RNF125: variants seen among roughly 807,000 people sequenced by gnomAD.
The protein encoded by RNF125 is E3 ubiquitin-protein ligase RNF125.
Under a neutral mutation model 26.0 loss-of-function variants are expected in RNF125, and 21 were observed. The observed-to-expected ratio is 0.81, with a 90% CI of 0.57 to 1.16. The LOEUF (loss-of-function observed/expected upper bound fraction) is 1.16. Ranked by LOEUF, RNF125 falls within the 50% of genes most tolerant of loss-of-function variation. The probability of loss-of-function intolerance (pLI) is 0.00; values close to 1 mark genes in which losing one functional copy is unlikely to be tolerated. For synonymous variants in RNF125, 95 were observed against 109.2 expected, an observed-to-expected ratio of 0.87 and a Z score of 0.81; for missense variants, 270 against 299.4, an observed-to-expected ratio of 0.90 and a Z score of 0.72.
At chr18:32,034,792 GCA>G (rs2039136093) in intron 1 of RNF125, among the ~76,000 whole-genome samples, 1 of 150,922 alleles carries the variant, frequency 6.6e-6, no homozygotes, top group African/African-American at 2.4e-5. Context: ...GTGCACACCC[GCA>G]ATCCCAGCTA....
chr18:32,037,955 G>A (rs2039176293), intron 2 of RNF125, among the ~76,000 whole-genome samples: 2 of 152,038 alleles, frequency 1.3e-5, no homozygotes, highest in East Asian at 1.9e-4. Context: ...AGTGACAACC[G>A]GCTTGGGTCC....
chr18:32,066,374 G>A (rs745545993), intron 5 of RNF125, among the ~76,000 whole-genome samples: 13 of 151,578 alleles, frequency 8.6e-5, no homozygotes, highest in African/African-American at 2.9e-4. Flanking sequence ...CAGGAGAATC[G>A]CTTGAACCCA....
intron 1 of RNF125, among the ~76,000 whole-genome samples, chr18:32,020,027 T>A (rs905830723): frequency 8.7e-6 from 1 of 114,782 alleles, no homozygotes; most frequent in African/African-American, 3.2e-5. Flanking sequence ...TGTGTGTGTG[T>A]GTGTGTTTGA....
chr18:32,051,411 G>A (rs1050767918), intron 4 of RNF125, among the ~76,000 whole-genome samples: 10 of 151,918 alleles, frequency 6.6e-5, no homozygotes, highest in African/African-American at 2.4e-4. Flanking sequence ...GAGGTCAGGA[G>A]TTCGAGACTA....
the RNF125 span, among the ~76,000 whole-genome samples, chr18:32,089,133 A>G: frequency 1.8e-4 from 27 of 152,350 alleles, no homozygotes; most frequent in African/African-American, 6.5e-4. Context: ...AAGCTAGGAC[A>G]TATCTCAGGG....
At chr18:32,024,987 C>G (rs1445276599) in intron 1 of RNF125, among the ~76,000 whole-genome samples, 1 of 151,826 alleles carries the variant, frequency 6.6e-6, no homozygotes, top group East Asian at 2.0e-4. Flanking sequence ...TCGCTTGAAC[C>G]TAGGAGGCAG....
chr18:32,053,768 T>TA (rs544167942), intron 4 of RNF125, among the ~76,000 whole-genome samples: 108 of 146,170 alleles, frequency 7.4e-4, no homozygotes, highest in Admixed American at 1.3e-3. Context: ...AACCCTGTCT[T>TA]AAAAAAAAAA....
In RNF125 at chr18:32,023,933, CT is replaced by C. The variant is rs2039008536; in HGVS notation, c.164+4910del. Among the ~76,000 whole-genome samples, 3 of 152,230 alleles carry C rather than the reference CT, an allele frequency of 2.0e-5. No individual in the cohort carries two copies. The South Asian group carries it at 6.2e-4, about 32-fold the overall frequency. On this transcript the variant is annotated intron_variant, in intron 1 of 5. Coordinates refer to ENST00000217740, the MANE Select transcript of RNF125 (RefSeq NM_017831.4). ...GTTCAAAAGAGAAAACCATATTTTA[CT>C]TTTGAATCAGTATATCAATAATAAA... is the stretch of plus-strand genomic sequence containing the variant.
At chr18:32,027,302 C>T (rs2039046483) in intron 1 of RNF125, among the ~76,000 whole-genome samples, 1 of 149,066 alleles carries the variant, frequency 6.7e-6, no homozygotes, top group Admixed American at 6.7e-5. Flanking sequence ...AGGATTTTAA[C>T]TTTGTTTTAA....
the RNF125 span, among the ~76,000 whole-genome samples, chr18:32,085,714 AAAAAAAAAAAGAG>A: frequency 1.9e-4 from 29 of 150,356 alleles, no homozygotes; most frequent in African/African-American, 6.9e-4. Context: ...AAAAAAAAAA[AAAAAAAAAAAGAG>A]AGAGAGAAGT....
In RNF125 at chr18:32,058,353, C is replaced by CT. The variant is rs938391389; in HGVS notation, c.505-7539dup. On this transcript the variant is annotated intron_variant, in intron 4 of 5. Coordinates refer to ENST00000217740, the MANE Select transcript of RNF125 (RefSeq NM_017831.4). ...GTGTTACAAACAATCCAATTATACT[C>CT]TTTTTTTTTTGAGAGGGAGTCTCGT... Among the ~76,000 whole-genome samples, 38 of 65,806 alleles carry CT rather than the reference C, an allele frequency of 5.8e-4. No individual in the cohort carries two copies. In the South Asian group the frequency reaches 6.9e-3, roughly 12 times the overall value. The allele number at this position is 65,806 out of a possible 152,430, so 43.2% of individuals were successfully genotyped here.
downstream of RNF125, among the ~76,000 whole-genome samples, chr18:32,074,731 C>T (rs578013752): frequency 5.2e-4 from 79 of 152,142 alleles, no homozygotes; most frequent in African/African-American, 1.8e-3. Flanking sequence ...TTAGTAGAGA[C>T]GGAGTTTCAC....
In RNF125 at chr18:32,068,564, T is replaced by G. The variant is rs2039505295; in HGVS notation, c.*180T>G. The G allele has an allele frequency of 4.0e-6, 2 of 504,410 alleles. No individual in the cohort carries two copies. The highest frequency in any genetic ancestry group is 3.3e-5 in the East Asian group (1 of 30,476). The allele number at this position is 504,410 out of a possible 1,614,324, so 31.2% of individuals were successfully genotyped here. A position where few individuals can be genotyped will look rare whatever the true frequency, so the allele number is the denominator to read the frequency against. ...TGCTTTAATTTTAATGGTTTAAATC[T>G]GTTTTACATCCTTGAGATTCTTACA... is the stretch of plus-strand genomic sequence containing the variant. On this transcript the variant is annotated 3_prime_UTR_variant, in exon 6 of 6. Transcript: ENST00000217740.
chr18:32,054,086 CTTTTTTTTTT>C (rs35616121), intron 4 of RNF125, among the ~76,000 whole-genome samples: 4 of 88,362 alleles, frequency 4.5e-5, no homozygotes, highest in South Asian at 3.7e-4. Context: ...GACATTTGTA[CTTTTTTTTTT>C]TTTTTTTTTT....
intron 1 of RNF125, among the ~76,000 whole-genome samples, chr18:32,022,091 CTT>C (rs1314516341): frequency 1.3e-5 from 2 of 152,172 alleles, no homozygotes; most frequent in Non-Finnish European, 2.9e-5. Flanking sequence ...ATGAATTACT[CTT>C]TTCCATTGAA....
the RNF125 span, among the ~76,000 whole-genome samples, chr18:32,086,325 A>G: frequency 6.7e-6 from 1 of 148,678 alleles, no homozygotes; most frequent in African/African-American, 2.5e-5. Flanking sequence ...CTGGGACTAT[A>G]GGTGCACACC....
At chr18:32,042,120 T>C (rs916584376) in intron 2 of RNF125, 59 bp from the exon 3 acceptor site, 101 of 1,226,412 alleles carry the variant, frequency 8.2e-5, no homozygotes, top group Non-Finnish European at 1.2e-4. Context: ...CTGGATCGCA[T>C]AAGCTTTCAT....
In RNF125 at chr18:32,051,878, T is replaced by C. The variant is rs187324092; in HGVS notation, c.504+6146T>C. Among the ~76,000 whole-genome samples the C allele has an allele frequency of 4.1e-4, 62 of 151,468 alleles. 1 individual carries two copies. Among genetic ancestry groups the C allele is most frequent in the Admixed American group, 3.5e-3 (53 of 15,226 alleles). On this transcript the variant is annotated intron_variant, in intron 4 of 5. Transcript: ENST00000217740. ...CTAATTTTTGCATTTTTAGTAGAGT[T>C]GGGGTTTCACCATGTTGGCCAGGAT...
In RNF125 at chr18:32,068,470, T is replaced by C. The variant is rs1178805838; in HGVS notation, c.*86T>C. 1 of 792,718 alleles carries C rather than the reference T, an allele frequency of 1.3e-6. No individual in the cohort carries two copies. The highest frequency in any genetic ancestry group is 2.4e-5 in the East Asian group (1 of 40,844). 49.1% of individuals were successfully genotyped at this position (792,718 alleles called of 1,614,324 possible). A position where few individuals can be genotyped will look rare whatever the true frequency, so the allele number is the denominator to read the frequency against. On this transcript the variant is annotated 3_prime_UTR_variant, in exon 6 of 6. Coordinates refer to ENST00000217740, the MANE Select transcript of RNF125 (RefSeq NM_017831.4). ...CAAATGGGAGGGAAGTTGTCAATGA[T>C]TGATGGGCAAAAATGTACAACACAG...
Sources: allele counts gnomAD v4.1 joint callset (sites outside exome capture counted in the v4.1 genomes callset), GRCh38; gene constraint gnomAD v4.1.1; transcripts MANE v1.5; gene names NCBI Gene and HGNC (gene_info 2026-07-23, HGNC 2026-07-21).